Variants in ESR2 observed in about 807,000 individuals in gnomAD.
The protein encoded by ESR2 is estrogen receptor beta.
A neutral mutation model predicts 49.6 loss-of-function variants in ESR2; 36 were observed. The observed-to-expected ratio is 0.73, with a 90% CI of 0.56 to 0.96. The LOEUF (loss-of-function observed/expected upper bound fraction) is 0.96, where lower values mean the gene tolerates loss of function less well. ESR2 is among the 40% of genes least tolerant of loss of function. The probability of loss-of-function intolerance (pLI) is 0.00; values close to 1 mark genes in which losing one functional copy is unlikely to be tolerated. For missense variants in ESR2, 714 were observed against 693.0 expected (o/e 1.03, Z -0.34); for synonymous variants, 320 against 266.1 (o/e 1.20, Z -1.97).
At chr14:64,313,947 C>T (rs1458463993) in intron 1 of ESR2, among the ~76,000 whole-genome samples, 2 of 151,716 alleles carry the variant, frequency 1.3e-5, no homozygotes, top group Non-Finnish European at 2.9e-5. Context: ...GAGGATTCAG[C>T]TCCTCTCTCA....
intron 6 of ESR2, among the ~76,000 whole-genome samples, chr14:64,256,297 CT>C (rs2076093661): frequency 6.6e-6 from 1 of 152,198 alleles, no homozygotes; most frequent in African/African-American, 2.4e-5. Flanking sequence ...GTTTCCTTTT[CT>C]GTGTCATCTT....
intron 3 of ESR2, among the ~76,000 whole-genome samples, chr14:64,278,682 G>A (rs1048672908): frequency 6.6e-6 from 1 of 152,146 alleles, no homozygotes; most frequent in African/African-American, 2.4e-5. Context: ...GCAAGAAAGT[G>A]ACTTCAGCAA....
intron 1 of ESR2, among the ~76,000 whole-genome samples, chr14:64,290,334 G>A (rs535568438): frequency 7.2e-4 from 109 of 152,178 alleles, no homozygotes; most frequent in African/African-American, 2.6e-3. Flanking sequence ...GCCTCCCAAA[G>A]TGCTGTGATC....
At chr14:64,294,751 C>T (rs1302318190), upstream of ESR2, among the ~76,000 whole-genome samples, 1 of 152,214 alleles carries the variant, frequency 6.6e-6, no homozygotes, top group Non-Finnish European at 1.5e-5. Context: ...TCTAAGGAGC[C>T]AGTGGTGAAA....
At chr14:64,273,786 G>A (rs538754783) in intron 3 of ESR2, among the ~76,000 whole-genome samples, 9 of 152,166 alleles carry the variant, frequency 5.9e-5, no homozygotes, top group African/African-American at 1.7e-4. Context: ...CTGGTATCAC[G>A]GTAATACTGG....
chr14:64,238,004 T>C (rs1249735275), intron 7 of ESR2, among the ~76,000 whole-genome samples: 2 of 152,224 alleles, frequency 1.3e-5, no homozygotes, highest in Admixed American at 6.5e-5. Flanking sequence ...TTGAACTGTA[T>C]ACTTAATATG....
At chr14:64,300,786 A>G (rs1567789380) in intron 1 of ESR2, among the ~76,000 whole-genome samples, 2 of 152,072 alleles carry the variant, frequency 1.3e-5, no homozygotes, top group African/African-American at 4.8e-5. Context: ...ACTCAGCATT[A>G]CATTTATTCT....
intron 4 of ESR2, 37 bp downstream of exon 4, chr14:64,268,758 A>C: frequency 1.4e-5 from 17 of 1,180,436 alleles, no homozygotes; most frequent in Non-Finnish European, 1.8e-5. Context: ...GCTTTTAGCA[A>C]GGCCCATATT....
intron 6 of ESR2, among the ~76,000 whole-genome samples, chr14:64,250,975 T>A (rs2075974814): frequency 6.6e-6 from 1 of 152,208 alleles, no homozygotes; most frequent in Admixed American, 6.5e-5. Context: ...TGTAAACACC[T>A]GCAATTTTCT....
Position 64,260,669 on chromosome 14 carries a change from C to A in ESR2, c.732G>T (p.Lys244Asn). Residue 244 changes from lysine (K) to asparagine (N), a missense_variant, in exon 5 of 9, where the codon AAG becomes AAT. Coordinates refer to ENST00000341099, the MANE Select transcript of ESR2 (RefSeq NM_001437.3). The part of the protein sequence containing the change: ...SADEQLHCAG[K>N]AKRSGGHAPR... ...GCGCGTGGCCGCCACTTCTCTTGGCCTTGCCGGCACAGTGCAGCTGCTCGT... is the reference window on the plus strand; with the variant it reads ...GCGCGTGGCCGCCACTTCTCTTGGCATTGCCGGCACAGTGCAGCTGCTCGT... The A allele has an allele frequency of 6.3e-7, 1 of 1,588,420 alleles. No homozygotes were observed. Among genetic ancestry groups the A allele is most frequent in the South Asian group, 1.1e-5 (1 of 88,254 alleles).
At chr14:64,260,792 G>A (rs375940925) in intron 4 of ESR2, 44 bp from the exon 5 acceptor site, 2 of 1,416,170 alleles carry the variant, frequency 1.4e-6, no homozygotes, top group East Asian at 2.7e-5. Flanking sequence ...GGGTAAAACC[G>A]CAGTCAAGCA....
chr14:64,331,749 G>C (rs993299726), intron 1 of ESR2, among the ~76,000 whole-genome samples: 6 of 151,100 alleles, frequency 4.0e-5, no homozygotes, highest in African/African-American at 1.5e-4. Context: ...CCTTGAACCA[G>C]GGAGGTGGAG....
intron 1 of ESR2, among the ~76,000 whole-genome samples, chr14:64,333,269 T>C (rs2077485176): frequency 6.6e-6 from 1 of 152,192 alleles, no homozygotes; most frequent in East Asian, 1.9e-4. Flanking sequence ...ACTAGAATTT[T>C]CTACCTTAGT....
downstream of ESR2, chr14:64,227,526 T>TC: frequency 6.2e-7 from 1 of 1,614,090 alleles, no homozygotes; most frequent in Non-Finnish European, 8.5e-7. Context: ...CCGAGTTGAT[T>TC]AGAGGGTCAC....
intron 6 of ESR2, among the ~76,000 whole-genome samples, chr14:64,251,286 T>C (rs1282847137): frequency 6.8e-6 from 1 of 147,342 alleles, no homozygotes; most frequent in Non-Finnish European, 1.5e-5. Flanking sequence ...GGAAAGCTAG[T>C]TTGAAAATAT....
At chr14:64,258,291 A>T (rs1295071699) in intron 5 of ESR2, among the ~76,000 whole-genome samples, 1 of 152,256 alleles carries the variant, frequency 6.6e-6, no homozygotes, top group African/African-American at 2.4e-5. Flanking sequence ...CATGTTGGTC[A>T]CAGTACTGTT....
intron 3 of ESR2, among the ~76,000 whole-genome samples, chr14:64,271,200 G>A (rs538056664): frequency 1.3e-5 from 2 of 151,956 alleles, no homozygotes; most frequent in South Asian, 2.1e-4. Flanking sequence ...TCCACCTCCT[G>A]AGCTTAAGCA....
At chr14:64,276,799 G>GA (rs1475754175) in intron 3 of ESR2, among the ~76,000 whole-genome samples, 2 of 152,128 alleles carry the variant, frequency 1.3e-5, no homozygotes, top group African/African-American at 4.8e-5. Context: ...TTTAACAACA[G>GA]AAATGCTTAT....
intron 4 of ESR2, among the ~76,000 whole-genome samples, chr14:64,266,365 AG>A (rs1454458611): frequency 6.6e-6 from 1 of 152,250 alleles, no homozygotes; most frequent in Non-Finnish European, 1.5e-5. Flanking sequence ...GAGGTGATTC[AG>A]TAGTTTGAGC....
Sources: gnomAD v4.1 joint callset for allele counts (sites outside exome capture counted in the v4.1 genomes callset) on GRCh38, gnomAD v4.1.1 for gene constraint, MANE v1.5 for transcripts, NCBI Gene and HGNC (gene_info 2026-07-23, HGNC 2026-07-21) for gene names.